TSHZ3: variants seen among roughly 807,000 people sequenced by gnomAD.
TSHZ3 encodes teashirt homolog 3.
In TSHZ3, 10 loss-of-function variants were observed where a neutral mutation model predicts 64.5. The observed-to-expected ratio is 0.16, with a 90% CI of 0.10 to 0.26. TSHZ3 has a LOEUF of 0.26. TSHZ3 is among the 10% of genes least tolerant of loss of function. The pLI is 1.00. For synonymous variants in TSHZ3, 608 were observed against 593.1 expected, an observed-to-expected ratio of 1.03 and a Z score of -0.36; for missense variants, 1,242 against 1,421.7, an observed-to-expected ratio of 0.87 and a Z score of 2.03.
At chr19:31,263,692 T>TC (rs879862084) in intron 1 of TSHZ3, among the ~76,000 whole-genome samples, 2 of 151,124 alleles carry the variant, frequency 1.3e-5, no homozygotes, top group Admixed American at 6.6e-5. Flanking sequence ...ATCCTGTGGG[T>TC]CCCCCCCACT....
chr19:31,309,549 A>C (rs1474948355), intron 1 of TSHZ3, among the ~76,000 whole-genome samples: 1 of 152,238 alleles, frequency 6.6e-6, no homozygotes, highest in Non-Finnish European at 1.5e-5. Flanking sequence ...CCATCAAGTC[A>C]GCAAGAACAA....
intron 1 of TSHZ3, among the ~76,000 whole-genome samples, chr19:31,304,646 A>G (rs2145146980): frequency 6.6e-6 from 1 of 152,292 alleles, no homozygotes; most frequent in Non-Finnish European, 1.5e-5. Flanking sequence ...AGATTTAAAT[A>G]TTTTATAGCA....
Position 31,302,099 on chromosome 19 carries a change from C to G in TSHZ3, c.41-22347G>C, listed in dbSNP as rs568351580. On this transcript the variant is annotated intron_variant, in intron 1 of 1. Coordinates refer to ENST00000240587, the MANE Select transcript of TSHZ3 (RefSeq NM_020856.4). ...GCCCTTACATAAAGTTTGTAAAGCC[C>G]CAGCACCACCTTAATGTGGCAAAAG... Among the ~76,000 whole-genome samples, 5 of 152,198 alleles carry G rather than the reference C, an allele frequency of 3.3e-5. No homozygotes were observed. The East Asian group carries it at 9.7e-4, about 29-fold the overall frequency.
chr19:31,259,323 T>C (rs921497257), intron 1 of TSHZ3, among the ~76,000 whole-genome samples: 7 of 152,152 alleles, frequency 4.6e-5, no homozygotes, highest in African/African-American at 2.4e-5. Context: ...CGCAATTGCA[T>C]TTTTATAGAT....
intron 3 of TSHZ3, among the ~76,000 whole-genome samples, chr19:31,237,832 T>A (rs914181497): frequency 2.6e-5 from 4 of 152,214 alleles, no homozygotes; most frequent in African/African-American, 9.6e-5. Flanking sequence ...ATATTTTAAA[T>A]TTATCTTGTA....
chr19:31,193,097 G>C (rs1286698337), intron 5 of TSHZ3, among the ~76,000 whole-genome samples: 3 of 152,166 alleles, frequency 2.0e-5, no homozygotes, highest in Admixed American at 6.5e-5. Flanking sequence ...GCTGATGAAA[G>C]GGAGACGTGT....
chr19:31,184,872 A>G (rs1469348554), intron 5 of TSHZ3, among the ~76,000 whole-genome samples: 5 of 152,218 alleles, frequency 3.3e-5, no homozygotes, highest in Non-Finnish European at 7.3e-5. Flanking sequence ...GCAAAAAGCT[A>G]AGCAAAAGGT....
chr19:31,221,986 C>A (rs1332731931), intron 4 of TSHZ3, among the ~76,000 whole-genome samples: 2 of 152,146 alleles, frequency 1.3e-5, no homozygotes, highest in African/African-American at 2.4e-5. Context: ...GACATGAGGT[C>A]AGGAAGTGGT....
intron 5 of TSHZ3, among the ~76,000 whole-genome samples, chr19:31,171,838 C>A (rs1478220687): frequency 1.3e-5 from 2 of 152,128 alleles, no homozygotes; most frequent in African/African-American, 4.8e-5. Flanking sequence ...CATTCTGCCC[C>A]AGGCCTTTCC....
chr19:31,267,788 GC>G (rs769078548), intron 1 of TSHZ3, among the ~76,000 whole-genome samples: 3 of 152,156 alleles, frequency 2.0e-5, no homozygotes, highest in Non-Finnish European at 4.4e-5. Flanking sequence ...TGGGATCATT[GC>G]CAAGCACTAT....
chr19:31,290,854 A>G (rs887447953), intron 1 of TSHZ3, among the ~76,000 whole-genome samples: 1 of 152,190 alleles, frequency 6.6e-6, no homozygotes, highest in Non-Finnish European at 1.5e-5. Context: ...AAGGCTGGCC[A>G]TGGCGGGATG....
intron 1 of TSHZ3, among the ~76,000 whole-genome samples, chr19:31,343,634 TA>T (rs1320378558): frequency 1.3e-5 from 2 of 152,098 alleles, no homozygotes; most frequent in Non-Finnish European, 2.9e-5. Flanking sequence ...TTTTTTTTTT[TA>T]CTTCCAAAAA....
chr19:31,156,762 G>T (rs1457802129), intron 5 of TSHZ3, among the ~76,000 whole-genome samples: 1 of 152,166 alleles, frequency 6.6e-6, no homozygotes, highest in East Asian at 1.9e-4. Context: ...TTAACAAGAT[G>T]TGATGAAATA....
exon 7 of TSHZ3, among the ~76,000 whole-genome samples, chr19:31,151,009 C>A (rs535889217): frequency 3.3e-5 from 5 of 152,258 alleles, no homozygotes; most frequent in African/African-American, 1.2e-4. Flanking sequence ...ATGTAAGGGG[C>A]AGTTGAGTCA....
chr19:31,240,192 C>A (rs1975669652), intron 3 of TSHZ3, among the ~76,000 whole-genome samples: 1 of 152,020 alleles, frequency 6.6e-6, no homozygotes, highest in South Asian at 2.1e-4. Flanking sequence ...CAGTAGTTCT[C>A]ATATTTTTTG....
chr19:31,154,819 G>C (rs911170310), intron 6 of TSHZ3, among the ~76,000 whole-genome samples: 1 of 150,756 alleles, frequency 6.6e-6, no homozygotes, highest in Non-Finnish European at 1.5e-5. Context: ...TAGCCTTCAG[G>C]CTGTTTTAGG....
At chr19:31,255,030 A>G (rs1404569652) in intron 1 of TSHZ3, among the ~76,000 whole-genome samples, 1 of 152,164 alleles carries the variant, frequency 6.6e-6, no homozygotes, top group East Asian at 1.9e-4. Flanking sequence ...CCTCCTAGCT[A>G]GAGGAGAGTC....
intron 1 of TSHZ3, among the ~76,000 whole-genome samples, chr19:31,332,904 G>A (rs1036325719): frequency 2.0e-5 from 3 of 151,764 alleles, no homozygotes; most frequent in African/African-American, 7.3e-5. Flanking sequence ...CCAGGAGTTC[G>A]AGACCAGCCT....
chr19:31,336,814 C>A (rs1917258926), intron 1 of TSHZ3, among the ~76,000 whole-genome samples: 1 of 152,120 alleles, frequency 6.6e-6, no homozygotes, highest in Admixed American at 6.5e-5. Flanking sequence ...TTGTGTCAAG[C>A]CCTTCAAGCA....
Sources: gnomAD v4.1 joint callset for allele counts (sites outside exome capture counted in the v4.1 genomes callset) on GRCh38, gnomAD v4.1.1 for gene constraint, MANE v1.5 for transcripts, NCBI Gene and HGNC (gene_info 2026-07-23, HGNC 2026-07-21) for gene names.